Variants in KIAA1671 observed in about 807,000 individuals in gnomAD.
KIAA1671 encodes the protein KIAA1671, also known as uncharacterized protein KIAA1671.
KIAA1671 carries 52 observed loss-of-function variants against 131.2 expected under a neutral mutation model. The observed-to-expected ratio is 0.40, with a 90% CI of 0.32 to 0.50. KIAA1671 has a LOEUF of 0.50. Ranked by LOEUF, KIAA1671 falls within the 20% of genes least tolerant of loss-of-function variation. The pLI is 0.73. For synonymous variants in KIAA1671, 1,003 were observed against 961.6 expected (o/e 1.04, Z -0.80); for missense variants, 2,360 against 2,364.2 (o/e 1.00, Z 0.04).
intron 6 of KIAA1671, among the ~76,000 whole-genome samples, chr22:25,143,302 A>T (rs1454526708): frequency 6.6e-6 from 1 of 152,210 alleles, no homozygotes; most frequent in Non-Finnish European, 1.5e-5. Context: ...CTCCACTCTC[A>T]GGGGTCTGAG....
intron 1 of KIAA1671, among the ~76,000 whole-genome samples, chr22:24,984,293 G>A (rs573934192): frequency 5.1e-4 from 77 of 152,268 alleles, no homozygotes; most frequent in African/African-American, 1.6e-3. Flanking sequence ...TTTATCTCTT[G>A]AGGAAATGCA....
rs1379195150 is a variant in KIAA1671 at position 25,193,817 on chromosome 22, T to C, written c.*1416T>C. 1 of 152,194 alleles carries C rather than the reference T, an allele frequency of 6.6e-6. No homozygotes were observed. The highest frequency in any genetic ancestry group is 1.5e-5 in the Non-Finnish European group (1 of 68,060). The allele number at this position is 152,194 out of a possible 1,614,324, so 9.4% of individuals were successfully genotyped here. A position where few individuals can be genotyped will look rare whatever the true frequency, so the allele number is the denominator to read the frequency against. ...ATGAGCTTTGGTTACTGATGAGCAA[T>C]TGCCAGATCATGTCACCCACCCAGC... is the stretch of plus-strand genomic sequence containing the variant. On this transcript the variant is annotated 3_prime_UTR_variant, in exon 13 of 13. Transcript: ENST00000358431.
intron 1 of KIAA1671, among the ~76,000 whole-genome samples, chr22:25,016,589 C>G (rs985296585): frequency 2.0e-5 from 3 of 152,070 alleles, no homozygotes; most frequent in Non-Finnish European, 2.9e-5. Flanking sequence ...GGAGGTGGGA[C>G]AAAAACTAGG....
At chr22:25,067,615 C>T (rs1474480687) in intron 6 of KIAA1671, among the ~76,000 whole-genome samples, 1 of 152,110 alleles carries the variant, frequency 6.6e-6, no homozygotes, top group Non-Finnish European at 1.5e-5. Flanking sequence ...ACCTTCCTCC[C>T]TCTGCCCTGC....
chr22:25,112,370 A>G (rs940909513), intron 6 of KIAA1671: 3 of 399,100 alleles, frequency 7.5e-6, no homozygotes, highest in Non-Finnish European at 1.3e-5. Flanking sequence ...GGCTTCCCGG[A>G]GTCGGGAATC....
rs140640921 is a variant in KIAA1671 at position 24,975,874 on chromosome 22, A to T, written c.-208+23102A>T. ...CCCTGGCCTCCCTTTGCACTTGGGG[A>T]TGCTGCTGACTCACCAGCAGGAGAT... is the stretch of plus-strand genomic sequence containing the variant. On this transcript the variant is annotated intron_variant, in intron 1 of 12. Transcript: ENST00000358431. Among the ~76,000 whole-genome samples, 400 of 152,178 alleles carry T rather than the reference A, an allele frequency of 2.6e-3. 1 individual carries two copies. The highest frequency in any genetic ancestry group is 4.0e-3 in the Non-Finnish European group (273 of 68,014).
At position 25,001,133 on chromosome 22, in the gene KIAA1671, AAT is replaced by A. The variant is rs545877821; in HGVS notation, c.-207-24498_-207-24497del. Reference sequence around the variant, plus strand: ...GATTTATAGTTCTTTATATATTCTGAATAGAGTGCTTTGTAAAATGTGTGTAT... The same window carrying A: ...GATTTATAGTTCTTTATATATTCTGAAGAGTGCTTTGTAAAATGTGTGTAT... On this transcript the variant is annotated intron_variant, in intron 1 of 12. Coordinates refer to ENST00000358431, the MANE Select transcript of KIAA1671 (RefSeq NM_001145206.2). Among the ~76,000 whole-genome samples the A allele has an allele frequency of 3.4e-3, 523 of 151,686 alleles. 3 individuals are homozygous for A. Among genetic ancestry groups the A allele is most frequent in the African/African-American group, 0.012 (502 of 41,396 alleles).
chr22:25,107,692 A>G (rs2145906858), intron 6 of KIAA1671, among the ~76,000 whole-genome samples: 1 of 151,432 alleles, frequency 6.6e-6, no homozygotes, highest in Admixed American at 6.6e-5. Context: ...CCAGCACTCC[A>G]TTTTTTGTGT....
At chr22:25,108,096 T>C (rs1931123001) in intron 6 of KIAA1671, among the ~76,000 whole-genome samples, 1 of 152,234 alleles carries the variant, frequency 6.6e-6, no homozygotes, top group African/African-American at 2.4e-5. Flanking sequence ...TTAAGACTTT[T>C]GATTTAGGGT....
At chr22:24,957,376 C>T (rs529069545) in intron 1 of KIAA1671, among the ~76,000 whole-genome samples, 1 of 152,170 alleles carries the variant, frequency 6.6e-6, no homozygotes, top group South Asian at 2.1e-4. Context: ...AAAAGTTAGA[C>T]CATGGGCAGC....
intron 6 of KIAA1671, among the ~76,000 whole-genome samples, chr22:25,157,907 C>T (rs967710083): frequency 1.2e-4 from 19 of 152,032 alleles, no homozygotes; most frequent in African/African-American, 3.4e-4. Flanking sequence ...CTGCAACCTC[C>T]ACCTCCCAGG....
chr22:25,042,436 C>T (rs1229787965), intron 5 of KIAA1671, among the ~76,000 whole-genome samples: 11 of 149,356 alleles, frequency 7.4e-5, no homozygotes, highest in African/African-American at 2.7e-4. Context: ...GAGGGATCAC[C>T]ATGGTTTTGG....
intron 2 of KIAA1671, 88 bp downstream of exon 2, chr22:25,025,872 C>T (rs1925921761): frequency 6.6e-6 from 1 of 152,340 alleles, no homozygotes; most frequent in Non-Finnish European, 1.5e-5. Context: ...AGAGAATTTT[C>T]TCTCTGTCCT....
At chr22:25,016,866 A>G (rs1365651179) in intron 1 of KIAA1671, among the ~76,000 whole-genome samples, 2 of 152,162 alleles carry the variant, frequency 1.3e-5, no homozygotes, top group African/African-American at 4.8e-5. Flanking sequence ...CAGCGGTGTT[A>G]AACAGCAACT....
At chr22:25,141,873 T>A (rs955905194) in intron 6 of KIAA1671, among the ~76,000 whole-genome samples, 6 of 152,182 alleles carry the variant, frequency 3.9e-5, no homozygotes, top group African/African-American at 1.4e-4. Flanking sequence ...TAGATGTGAT[T>A]TGGAACCCTG....
intron 6 of KIAA1671, chr22:25,049,843 G>A (rs1448713896): frequency 6.5e-6 from 1 of 152,866 alleles, no homozygotes; most frequent in African/African-American, 2.4e-5. Context: ...GACAGTTATG[G>A]TGATAACAGG....
intron 6 of KIAA1671, among the ~76,000 whole-genome samples, chr22:25,093,338 A>G (rs890137524): frequency 6.6e-6 from 1 of 152,156 alleles, no homozygotes; most frequent in Non-Finnish European, 1.5e-5. Context: ...GAGGAGAGAC[A>G]AGACCTTGCA....
At chr22:25,023,469 C>G (rs1256366044) in intron 1 of KIAA1671, 1 of 152,298 alleles carries the variant, frequency 6.6e-6, no homozygotes, top group East Asian at 1.9e-4. Context: ...GAAAGGTTTT[C>G]AAAGAGGCTA....
At chr22:25,069,985 C>T (rs1266102964) in intron 6 of KIAA1671, 1 of 192,258 alleles carries the variant, frequency 5.2e-6, no homozygotes, top group East Asian at 1.2e-4. Context: ...ACATTCAGTT[C>T]CCGGGCATCA....
Sources: allele counts gnomAD v4.1 joint callset (sites outside exome capture counted in the v4.1 genomes callset), GRCh38; gene constraint gnomAD v4.1.1; transcripts MANE v1.5; gene names NCBI Gene and HGNC (gene_info 2026-07-23, HGNC 2026-07-21).